The following GNL3L variants were observed in gnomAD, a reference collection of about 807,000 sequenced individuals.
GNL3L encodes the protein G protein nucleolar 3 like, also known as guanine nucleotide-binding protein-like 3-like protein.
Under a neutral mutation model 42.9 loss-of-function variants are expected in GNL3L, and 4 were observed. The observed-to-expected ratio is 0.09, with a 90% CI of 0.05 to 0.21. The LOEUF (loss-of-function observed/expected upper bound fraction) is 0.21, where lower values mean the gene tolerates loss of function less well. Among genes scored for constraint, GNL3L ranks in the 10% least tolerant of loss-of-function variants. The pLI, the probability that GNL3L is intolerant of heterozygous loss-of-function variation, is 1.00. For synonymous variants in GNL3L, 159 were observed against 176.3 expected (o/e 0.90, Z 0.78); for missense variants, 412 against 481.7 (o/e 0.86, Z 1.36).
At chrX:54,606,817 T>A (rs983173256) in intron 16 of GNL3L, among the ~76,000 whole-genome samples, 10 of 109,328 alleles carry the variant, frequency 9.1e-5, no homozygotes, top group African/African-American at 3.3e-4. Context: ...ATTTTTATAT[T>A]TTTTGTAGAG....
intron 7 of GNL3L, 154 bp from the exon 8 acceptor site, chrX:54,544,069 C>G: frequency 4.6e-6 from 2 of 431,959 alleles, no homozygotes; most frequent in Non-Finnish European, 8.3e-6. Context: ...TTTCTAACTC[C>G]AACCTGCGGA....
At chrX:54,570,319 T>A (rs1242966628), downstream of GNL3L, among the ~76,000 whole-genome samples, 1 of 112,268 alleles carries the variant, frequency 8.9e-6, no homozygotes, top group African/African-American at 3.2e-5. Flanking sequence ...CTTCCTTGTA[T>A]TCTTTGTTCT....
intron 5 of GNL3L, 129 bp from the exon 6 acceptor site, chrX:54,542,826 A>T: frequency 2.2e-6 from 1 of 445,463 alleles, no homozygotes; most frequent in Non-Finnish European, 4.0e-6. Context: ...TGTGGTTTTG[A>T]TTTGCATTTC....
At chrX:54,612,517 T>C (rs1926174502) in intron 16 of GNL3L, among the ~76,000 whole-genome samples, 1 of 111,983 alleles carries the variant, frequency 8.9e-6, no homozygotes, top group Admixed American at 9.5e-5. Context: ...TTTTCTTTTA[T>C]AGGTCCTGTG....
intron 2 of GNL3L, among the ~76,000 whole-genome samples, chrX:54,536,053 G>A (rs1924413189): frequency 9.0e-6 from 1 of 110,932 alleles, no homozygotes; most frequent in South Asian, 3.8e-4. Context: ...TCAGCCTCTC[G>A]AGTAGCTGGG....
At chrX:54,642,984 G>A in the GNL3L span, among the ~76,000 whole-genome samples, 2 of 111,949 alleles carry the variant, frequency 1.8e-5, no homozygotes, top group African/African-American at 6.5e-5. Context: ...GACAGTAACT[G>A]TTAACAGTTT....
intron 14 of GNL3L, 106 bp from the exon 15 acceptor site, chrX:54,558,330 A>C (rs371917459): frequency 9.5e-5 from 51 of 537,975 alleles, no homozygotes; most frequent in East Asian, 8.3e-4. Flanking sequence ...ACATGGCTCC[A>C]GGCTCCTGTT....
chrX:54,632,509 G>C, the GNL3L span, among the ~76,000 whole-genome samples: 1 of 110,158 alleles, frequency 9.1e-6, no homozygotes, highest in Non-Finnish European at 1.9e-5. Flanking sequence ...TAATTCAAAA[G>C]TCTTCGAGCT....
At chrX:54,538,519 G>T (rs142056398) in intron 2 of GNL3L, among the ~76,000 whole-genome samples, 397 of 110,487 alleles carry the variant, frequency 3.6e-3, no homozygotes, top group African/African-American at 0.012. Context: ...TGGAGAAGTG[G>T]TAGATCTCTT....
intron 4 of GNL3L, among the ~76,000 whole-genome samples, chrX:54,540,752 G>A (rs899300629): frequency 3.6e-5 from 4 of 110,824 alleles, no homozygotes; most frequent in African/African-American, 1.3e-4. Flanking sequence ...CTACCTCCCG[G>A]GTTCAAGCGA....
At chrX:54,591,785 C>A (rs1182598544) in intron 16 of GNL3L, among the ~76,000 whole-genome samples, 1 of 110,803 alleles carries the variant, frequency 9.0e-6, no homozygotes, top group Non-Finnish European at 1.9e-5. Context: ...CTAAGGATAA[C>A]ATTGGCTATT....
rs532900549 is a variant in GNL3L at position 54,587,446 on chromosome X, T to G, written c.*45+26799T>G. On this transcript the variant is annotated intron_variant, in intron 16 of 16. Transcript: ENST00000674498. ...ATGTGGGAGCTCCAGTGTTGTGTTT[T>G]GGGTTTGGATAGAAATTTCATTAAA... 5.3e-4 allele frequency among the ~76,000 whole-genome samples: 59 copies of G among 111,517 alleles called. No homozygotes were observed. In the South Asian group the frequency reaches 0.022, roughly 42 times the overall value.
At chrX:54,570,388 T>TAATACC (rs1925526620), downstream of GNL3L, among the ~76,000 whole-genome samples, 1 of 112,038 alleles carries the variant, frequency 8.9e-6, no homozygotes, top group Non-Finnish European at 1.9e-5. Context: ...CTAGTTTAAC[T>TAATACC]ATGGTATATC....
chrX:54,623,447 T>C (rs780576707), downstream of GNL3L, among the ~76,000 whole-genome samples: 13 of 111,192 alleles, frequency 1.2e-4, no homozygotes, highest in Non-Finnish European at 2.3e-4. Flanking sequence ...GTATTTTTAG[T>C]AGAGATGGGG....
intron 16 of GNL3L, among the ~76,000 whole-genome samples, chrX:54,611,525 C>A (rs768761047): frequency 1.8e-5 from 2 of 111,649 alleles, no homozygotes; most frequent in South Asian, 3.8e-4. Context: ...TTTGCTGTAT[C>A]CCCAAGGTTT....
At chrX:54,626,776 C>T in the GNL3L span, among the ~76,000 whole-genome samples, 2 of 111,678 alleles carry the variant, frequency 1.8e-5, no homozygotes, top group African/African-American at 6.5e-5. Context: ...TGATGTTGAG[C>T]ATTTTTTCCA....
intron 1 of GNL3L, among the ~76,000 whole-genome samples, chrX:54,531,238 ATCCCCCTACC>A (rs1259625146): frequency 1.4e-4 from 16 of 111,187 alleles, no homozygotes; most frequent in South Asian, 3.8e-4. Context: ...GACACAGATC[ATCCCCCTACC>A]TCCCCCTACC....
Position 54,544,278 on chromosome X carries a change from GC to G in GNL3L, c.584del (p.Pro195GlnfsTer16). ...KWLDYLRNEL[P>X]TVAFKASTQH... is the part of the protein sequence containing the mutation. ...GGCTGGATTACCTTCGGAATGAGTT[GC>G]CAACCGTGGCTTTCAAGGCCAGTAC... On this transcript the variant is annotated frameshift_variant, in exon 8 of 16. Transcript: ENST00000360845. LOFTEE classifies it high-confidence loss of function. 1 of 1,194,086 alleles carries G rather than the reference GC, an allele frequency of 8.4e-7. No homozygotes were observed. The highest frequency in any genetic ancestry group is 1.1e-6 in the Non-Finnish European group (1 of 880,350).
chrX:54,613,988 A>G (rs1440424462), intron 16 of GNL3L, among the ~76,000 whole-genome samples: 1 of 110,534 alleles, frequency 9.0e-6, no homozygotes, highest in Non-Finnish European at 1.9e-5. Context: ...TAAAACTCCC[A>G]AGATTATATA....
Sources: allele counts gnomAD v4.1 joint callset (sites outside exome capture counted in the v4.1 genomes callset), GRCh38; gene constraint gnomAD v4.1.1; transcripts MANE v1.5; gene names NCBI Gene and HGNC (gene_info 2026-07-23, HGNC 2026-07-21).